Variants in LMO7 observed in about 807,000 individuals in gnomAD.
The protein encoded by LMO7 is LIM domain only protein 7.
A neutral mutation model predicts 206.5 loss-of-function variants in LMO7; 120 were observed. That is an observed-to-expected ratio of 0.58 (90% CI 0.50 to 0.68). The LOEUF is 0.68. Among genes scored for constraint, LMO7 ranks in the 30% least tolerant of loss-of-function variants. LMO7 has a pLI of 0.00. For missense variants in LMO7, 1,959 were observed against 1,957.9 expected, an observed-to-expected ratio of 1.00 and a Z score of -0.01; for synonymous variants, 706 against 681.5, an observed-to-expected ratio of 1.04 and a Z score of -0.56.
intron 3 of LMO7, among the ~76,000 whole-genome samples, chr13:75,730,583 C>T (rs540883952): frequency 1.9e-4 from 28 of 150,216 alleles, no homozygotes; most frequent in Admixed American, 1.5e-3. Flanking sequence ...AAACCAGCTC[C>T]TGGATTCATT....
chr13:75,845,137 T>A (rs541777785), intron 25 of LMO7, among the ~76,000 whole-genome samples, 190 bp from the exon 26 acceptor site: 50 of 152,358 alleles, frequency 3.3e-4, no homozygotes, highest in Admixed American at 9.1e-4. Flanking sequence ...TTCTCTTTTT[T>A]AAGGATGTCA....
intron 2 of LMO7, among the ~76,000 whole-genome samples, chr13:75,719,136 C>T (rs1327931343): frequency 6.6e-6 from 1 of 151,936 alleles, no homozygotes; most frequent in Non-Finnish European, 1.5e-5. Context: ...CGCACCACCA[C>T]GCCTGGCTAA....
intron 3 of LMO7, among the ~76,000 whole-genome samples, chr13:75,734,829 G>A (rs2045636498): frequency 6.6e-6 from 1 of 152,186 alleles, no homozygotes; most frequent in Non-Finnish European, 1.5e-5. Context: ...GCCGGGTGTG[G>A]TGGCTCACGC....
intron 4 of LMO7, among the ~76,000 whole-genome samples, chr13:75,764,843 T>A (rs762845731): frequency 3.5e-4 from 54 of 152,172 alleles, no homozygotes; most frequent in Non-Finnish European, 6.9e-4. Flanking sequence ...AAAGAAATTC[T>A]TTTCTAGTGT....
At position 75,823,970 on chromosome 13, in the gene LMO7, C is replaced by G. The variant is rs975684030; in HGVS notation, c.2949+97C>G. ...AAATGTCAAACCTCTAGGTGTTAAT[C>G]TGGGCTGAAAATGTGCAAAATGATA... is the stretch of plus-strand genomic sequence containing the variant. On this transcript the variant is annotated intron_variant, in intron 15 of 30. Transcript: ENST00000377534. 27 of 991,904 alleles carry G rather than the reference C, an allele frequency of 2.7e-5. No homozygotes were observed. The East Asian group carries it at 6.6e-4, about 24-fold the overall frequency. 61.4% of individuals were successfully genotyped at this position (991,904 alleles called of 1,614,324 possible).
At chr13:75,817,591 G>A (rs1340972742) in intron 12 of LMO7, among the ~76,000 whole-genome samples, 3 of 152,130 alleles carry the variant, frequency 2.0e-5, no homozygotes, top group Non-Finnish European at 4.4e-5. Flanking sequence ...TTTGGGATAT[G>A]CACATTAACT....
intron 1 of LMO7, among the ~76,000 whole-genome samples, chr13:75,673,895 T>C (rs981206087): frequency 1.4e-4 from 22 of 152,252 alleles, no homozygotes; most frequent in African/African-American, 5.3e-4. Context: ...CATCTTTTTC[T>C]GTGATCTCAG....
At chr13:75,836,506 G>C (rs1018490743) in intron 19 of LMO7, 49 bp downstream of exon 19, 3 of 948,308 alleles carry the variant, frequency 3.2e-6, no homozygotes, top group Non-Finnish European at 4.8e-6. Flanking sequence ...AAAAGACATA[G>C]CACTCAAGTT....
chr13:75,735,655 T>C (rs1228738854), intron 3 of LMO7, among the ~76,000 whole-genome samples: 4 of 151,314 alleles, frequency 2.6e-5, no homozygotes, highest in Non-Finnish European at 4.4e-5. Context: ...TATTTTTTTT[T>C]AGTAGAGACA....
At chr13:75,778,424 G>A (rs1436743700) in intron 4 of LMO7, among the ~76,000 whole-genome samples, 12 of 151,994 alleles carry the variant, frequency 7.9e-5, no homozygotes, top group Admixed American at 7.9e-4. Flanking sequence ...AGTAGAGATG[G>A]GGTTTCACCA....
At chr13:75,741,012 C>T (rs764410846) in intron 3 of LMO7, among the ~76,000 whole-genome samples, 4 of 152,216 alleles carry the variant, frequency 2.6e-5, no homozygotes, top group East Asian at 1.9e-4. Context: ...CTTGGTGTTT[C>T]GTTGAGTTAA....
intron 3 of LMO7, among the ~76,000 whole-genome samples, chr13:75,734,045 C>T (rs372361858): frequency 6.6e-6 from 1 of 152,222 alleles, no homozygotes; most frequent in Non-Finnish European, 1.5e-5. Context: ...TAGTCAAGGC[C>T]TGCTAACTCT....
At chr13:75,655,580 T>C (rs995689864) in intron 1 of LMO7, among the ~76,000 whole-genome samples, 1 of 150,358 alleles carries the variant, frequency 6.7e-6, no homozygotes, top group Non-Finnish European at 1.5e-5. Flanking sequence ...TTGAGGTCTC[T>C]AATGTTGGTA....
intron 28 of LMO7, among the ~76,000 whole-genome samples, chr13:75,854,487 G>T (rs2060758535): frequency 6.6e-6 from 1 of 152,092 alleles, no homozygotes; most frequent in Non-Finnish European, 1.5e-5. Flanking sequence ...AGAGCAGAGG[G>T]AGGGGCTGAG....
chr13:75,688,048 G>C (rs368680582), intron 1 of LMO7, among the ~76,000 whole-genome samples: 1 of 152,076 alleles, frequency 6.6e-6, no homozygotes, highest in Non-Finnish European at 1.5e-5. Context: ...CTTGCCTGCC[G>C]CCACGTAAGA....
In LMO7 at chr13:75,805,591, A is replaced by G; in HGVS notation, c.1027A>G (p.Asn343Asp). Residue 343 changes from asparagine to aspartate, a missense_variant, in exon 9 of 31, where the codon AAC becomes GAC. Transcript: ENST00000377534. Reference protein sequence around the residue: ...EEKAKTRSIPNIVKDDLYVRK... With the variant: ...EEKAKTRSIPDIVKDDLYVRK... ...AAAAGCAAAGACAAGAAGCATACCC[A>G]ACATTGTAAAGGATGATCTTTATGT... 1 of 1,614,078 alleles carries G rather than the reference A, an allele frequency of 6.2e-7. No individual in the cohort carries two copies. The highest frequency in any genetic ancestry group is 2.2e-5 in the East Asian group (1 of 44,886).
intron 3 of LMO7, among the ~76,000 whole-genome samples, chr13:75,750,693 C>G (rs1049479620): frequency 2.0e-5 from 3 of 152,032 alleles, no homozygotes; most frequent in Admixed American, 6.5e-5. Context: ...CACCACTGGC[C>G]GGGGATTTTC....
intron 1 of LMO7, among the ~76,000 whole-genome samples, chr13:75,704,175 G>A (rs188698926): frequency 2.0e-5 from 3 of 152,268 alleles, no homozygotes; most frequent in Non-Finnish European, 2.9e-5. Context: ...TCTCCCTGCG[G>A]AAAAATGCCC....
In LMO7 at chr13:75,763,317, G is replaced by A. The variant is rs4885347; in HGVS notation, c.317+2279G>A. ...TACTCCAAATATTAATAGTACTGGA[G>A]TTGAGAAACTCTAGCTTTAGATTTA... On this transcript the variant is annotated intron_variant, in intron 4 of 30. Transcript: ENST00000377534. Among the ~76,000 whole-genome samples the A allele has an allele frequency of 8.1e-3, 1,234 of 152,254 alleles. 14 individuals are homozygous for A. The highest frequency in any genetic ancestry group is 0.024 in the South Asian group (117 of 4,830).
Sources: gnomAD v4.1 joint callset for allele counts (sites outside exome capture counted in the v4.1 genomes callset) on GRCh38, gnomAD v4.1.1 for gene constraint, MANE v1.5 for transcripts, NCBI Gene and HGNC (gene_info 2026-07-23, HGNC 2026-07-21) for gene names.